Variants in ANO4 observed in about 807,000 individuals in gnomAD.
ANO4 encodes anoctamin-4.
Under a neutral mutation model 141.9 loss-of-function variants are expected in ANO4, and 69 were observed. The observed-to-expected ratio is 0.49, with a 90% CI of 0.40 to 0.59. The LOEUF is 0.59. Ranked by LOEUF, ANO4 falls within the 20% of genes least tolerant of loss-of-function variation. ANO4 has a pLI of 0.00. For synonymous variants in ANO4, 350 were observed against 394.3 expected (o/e 0.89, Z 1.33); for missense variants, 894 against 1,162.2 (o/e 0.77, Z 3.36).
chr12:100,727,510 C>G (rs2031183249), intron 1 of ANO4, among the ~76,000 whole-genome samples: 1 of 152,078 alleles, frequency 6.6e-6, no homozygotes, highest in Admixed American at 6.6e-5. Flanking sequence ...TGGTTAGTAT[C>G]TGCTTGCTGC....
chr12:101,091,224 G>A (rs1334738840), intron 17 of ANO4, among the ~76,000 whole-genome samples: 1 of 152,150 alleles, frequency 6.6e-6, no homozygotes, highest in Middle Eastern at 3.2e-3. Context: ...GAATACTGAT[G>A]AGAACAGGGA....
chr12:101,079,249 G>A lies in ANO4; in HGVS notation c.1369G>A (p.Asp457Asn). The change falls in exon 15 of 28, where the codon GAT becomes AAT. Residue 457 changes from aspartate to asparagine, a missense_variant. Around this residue, in one of 2 missense-constraint regions of ANO4, gnomAD observed 637 missense variants for 909.2 expected, o/e 0.70. Transcript: ENST00000392977. ...GCGAGCAGTAATTGCTTATGACTGG[G>A]ATTTGATAGACTGGGAAGAAGAGGA... ...RRRAVIAYDW[D>N]LIDWEEEEEE... The A allele has an allele frequency of 6.2e-7, 1 of 1,613,888 alleles. No homozygotes were observed. The highest frequency in any genetic ancestry group is 8.5e-7 in the Non-Finnish European group (1 of 1,179,852).
chr12:100,887,395 G>T (rs1020932454), intron 1 of ANO4, among the ~76,000 whole-genome samples: 1 of 152,130 alleles, frequency 6.6e-6, no homozygotes, highest in Non-Finnish European at 1.5e-5. Context: ...ACTGCCTAGG[G>T]TATGATAATA....
intron 14 of ANO4, among the ~76,000 whole-genome samples, chr12:101,051,415 C>T (rs764494574): frequency 1.1e-4 from 17 of 152,168 alleles, no homozygotes; most frequent in Non-Finnish European, 2.1e-4. Context: ...ATAATTCACC[C>T]TCTGAATTGC....
intron 3 of ANO4, among the ~76,000 whole-genome samples, chr12:100,743,388 T>C (rs555854138): frequency 6.6e-6 from 1 of 152,006 alleles, no homozygotes; most frequent in Non-Finnish European, 1.5e-5. Flanking sequence ...AGCTTGGAAA[T>C]GATCTCTATC....
Position 100,772,156 on chromosome 12 carries a change from T to C in ANO4, c.358+32051T>C, listed in dbSNP as rs145607864. On this transcript the variant is annotated intron_variant, in intron 3 of 29. Transcript: ENST00000644049. ...GTAGGTGGTGAACTCAAGGCCACTA[T>C]TATTACCACCATAAGAACATTCAGT... Among the ~76,000 whole-genome samples, 11 of 152,298 alleles carry C rather than the reference T, an allele frequency of 7.2e-5. No individual in the cohort carries two copies. The East Asian group carries it at 2.1e-3, about 29-fold the overall frequency.
chr12:100,829,642 G>A (rs771144821), intron 1 of ANO4, among the ~76,000 whole-genome samples: 2 of 152,002 alleles, frequency 1.3e-5, no homozygotes, highest in Non-Finnish European at 2.9e-5. Flanking sequence ...ACTTCTGGGT[G>A]GATGTCAAGG....
intron 1 of ANO4, among the ~76,000 whole-genome samples, chr12:100,815,880 C>G (rs1432874862): frequency 6.6e-6 from 1 of 151,948 alleles, no homozygotes; most frequent in Non-Finnish European, 1.5e-5. Context: ...AAAAATTTGG[C>G]ATATTTAAAT....
intron 10 of ANO4, among the ~76,000 whole-genome samples, chr12:101,039,610 A>G (rs1025851804): frequency 1.3e-4 from 20 of 152,334 alleles, no homozygotes; most frequent in Admixed American, 1.2e-3. Context: ...CACATAAGAA[A>G]CCAAATGGGA....
At chr12:100,928,564 G>T (rs1305171210) in intron 3 of ANO4, among the ~76,000 whole-genome samples, 4 of 152,184 alleles carry the variant, frequency 2.6e-5, no homozygotes, top group Non-Finnish European at 4.4e-5. Flanking sequence ...TGAATCCAGA[G>T]CTCATGCTCT....
At chr12:101,085,403 C>CTGAACATGTACAG (rs2049449646) in intron 16 of ANO4, among the ~76,000 whole-genome samples, 1 of 152,118 alleles carries the variant, frequency 6.6e-6, no homozygotes, top group Non-Finnish European at 1.5e-5. Flanking sequence ...TGTAGCTGTA[C>CTGAACATGTACAG]TGAACATGTA....
rs2046462560 is a variant in ANO4, at chr12:101,020,122, G to A, written c.823G>A (p.Glu275Lys). 1.9e-6 allele frequency: 3 copies of A among 1,608,636 alleles called. No homozygotes were observed. The highest frequency in any genetic ancestry group is 2.6e-6 in the Non-Finnish European group (3 of 1,176,344). The change falls in exon 9 of 28, where the codon GAA becomes AAA. Residue 275 changes from glutamate (E) to lysine (K), a missense_variant. Coordinates refer to ENST00000392977, the MANE Select transcript of ANO4 (RefSeq NM_001286615.2). ...CATTTTACAAAGAATAAAATATGAA[G>A]AAGGAAAAAACAAGATTGGTAAGTA... is the stretch of plus-strand genomic sequence containing the variant. ...HHILQRIKYEEGKNKIGLNRL... is the reference protein window; with the variant it reads ...HHILQRIKYEKGKNKIGLNRL...
chr12:101,056,585 T>C (rs1166268327), intron 14 of ANO4, among the ~76,000 whole-genome samples: 2 of 152,122 alleles, frequency 1.3e-5, no homozygotes, highest in Non-Finnish European at 2.9e-5. Context: ...TTTATTTCTT[T>C]TTCTTGCCTT....
intron 9 of ANO4, among the ~76,000 whole-genome samples, chr12:101,033,958 G>A (rs2047090746): frequency 6.6e-6 from 1 of 152,138 alleles, no homozygotes; most frequent in Admixed American, 6.5e-5. Flanking sequence ...ACACCAGTCA[G>A]AATGGCGATT....
At chr12:101,089,435 G>C (rs1373128344) in intron 17 of ANO4, among the ~76,000 whole-genome samples, 1 of 152,112 alleles carries the variant, frequency 6.6e-6, no homozygotes, top group Non-Finnish European at 1.5e-5. Context: ...ATTGAAAGTA[G>C]ATGGTTAGCA....
intron 1 of ANO4, among the ~76,000 whole-genome samples, chr12:100,718,678 C>T (rs1041073440): frequency 1.3e-5 from 2 of 152,174 alleles, no homozygotes; most frequent in African/African-American, 4.8e-5. Context: ...AAATTGTGAG[C>T]AGATTACAAA....
intron 15 of ANO4, among the ~76,000 whole-genome samples, chr12:101,080,900 T>TATATATACAC (rs1194122665): frequency 0.013 from 1,752 of 130,676 alleles, 65 homozygotes; most frequent in African/African-American, 0.043. Flanking sequence ...TATATATATA[T>TATATATACAC]ACATACACAT....
At chr12:101,074,631 A>G (rs534951608) in intron 14 of ANO4, among the ~76,000 whole-genome samples, 1 of 152,340 alleles carries the variant, frequency 6.6e-6, no homozygotes, top group African/African-American at 2.4e-5. Flanking sequence ...CATACAACCA[A>G]ATAATGAGAG....
At chr12:100,777,366 G>T (rs1038667235) in intron 3 of ANO4, among the ~76,000 whole-genome samples, 1 of 138,188 alleles carries the variant, frequency 7.2e-6, no homozygotes, top group Non-Finnish European at 1.5e-5. Flanking sequence ...TGATCTGCCT[G>T]CCTTGGCCTC....
Sources: allele counts gnomAD v4.1 joint callset (sites outside exome capture counted in the v4.1 genomes callset), GRCh38; gene constraint gnomAD v4.1.1; regional missense constraint gnomAD v4.1.1; transcripts MANE v1.5; gene names NCBI Gene and HGNC (gene_info 2026-07-23, HGNC 2026-07-21).